The following ZNF638 variants were observed in gnomAD, a reference collection of about 807,000 sequenced individuals.
ZNF638 encodes the protein CTCL tumor antigen se33-1.
ZNF638 carries 46 observed loss-of-function variants against 195.6 expected under a neutral mutation model. The observed-to-expected ratio is 0.24, with a 90% CI of 0.19 to 0.30. ZNF638 has a LOEUF of 0.30. ZNF638 is among the 10% of genes least tolerant of loss of function. ZNF638 has a pLI of 1.00. For missense variants in ZNF638, 2,440 were observed against 2,325.3 expected, an observed-to-expected ratio of 1.05 and a Z score of -1.01; for synonymous variants, 845 against 772.0, an observed-to-expected ratio of 1.09 and a Z score of -1.57.
chr2:71,400,564 T>C, intron 15 of ZNF638, 46 bp downstream of exon 15: 1 of 1,492,602 alleles, frequency 6.7e-7, no homozygotes, highest in Non-Finnish European at 9.0e-7. Flanking sequence ...CAAGACATTT[T>C]AACAAAAGAT....
intron 8 of ZNF638, among the ~76,000 whole-genome samples, 192 bp downstream of exon 8, chr2:71,370,197 TAAC>T (rs759630140): frequency 3.3e-5 from 5 of 152,196 alleles, no homozygotes; most frequent in South Asian, 2.1e-4. Flanking sequence ...CAGTATTAAA[TAAC>T]GACGACTAGG....
intron 21 of ZNF638, 90 bp downstream of exon 21, chr2:71,418,729 TG>T: frequency 4.4e-6 from 4 of 903,062 alleles, no homozygotes; most frequent in Non-Finnish European, 4.8e-6. Context: ...TCACATGTAG[TG>T]AAAAGTTCTT....
intron 1 of ZNF638, among the ~76,000 whole-genome samples, chr2:71,333,911 T>A (rs992102096): frequency 1.3e-5 from 2 of 152,234 alleles, no homozygotes; most frequent in African/African-American, 4.8e-5. Flanking sequence ...ATTGAAGTGC[T>A]TAGGCAGCAT....
chr2:71,398,087 TC>T (rs1475992933), intron 11 of ZNF638, among the ~76,000 whole-genome samples: 3 of 152,220 alleles, frequency 2.0e-5, no homozygotes, highest in Non-Finnish European at 4.4e-5. Context: ...TTCTAGTTGA[TC>T]CACACATTCA....
chr2:71,402,232 C>A, intron 16 of ZNF638, 145 bp downstream of exon 16: 1 of 794,218 alleles, frequency 1.3e-6, no homozygotes, highest in South Asian at 2.6e-5. Context: ...ATATAAAACA[C>A]AGATATCCTG....
At position 71,396,286 on chromosome 2, in the gene ZNF638, TAGTC is replaced by T. The variant is rs528042606; in HGVS notation, c.2428+96_2428+99del. ...TAGTAGTCTTGGATTTCACATGACA[TAGTC>T]TGTATTGAATGCATGCTAATCTTTG... On this transcript the variant is annotated intron_variant, in intron 11 of 27. Coordinates refer to ENST00000264447, the MANE Select transcript of ZNF638 (RefSeq NM_014497.5). 270 of 975,406 alleles carry T rather than the reference TAGTC, an allele frequency of 2.8e-4. 1 individual carries two copies. The African/African-American group carries it at 3.9e-3, about 14-fold the overall frequency. The allele number at this position is 975,406 out of a possible 1,614,324, so 60.4% of individuals were successfully genotyped here.
intron 20 of ZNF638, among the ~76,000 whole-genome samples, chr2:71,410,339 C>T (rs2080186886): frequency 6.6e-6 from 1 of 151,826 alleles, no homozygotes; most frequent in African/African-American, 2.4e-5. Context: ...TGCCACCATG[C>T]CCGGCTAACT....
chr2:71,385,966 G>A (rs1333762084), intron 10 of ZNF638, among the ~76,000 whole-genome samples: 1 of 152,026 alleles, frequency 6.6e-6, no homozygotes, highest in African/African-American at 2.4e-5. Context: ...GGTCGTATTG[G>A]AAGTATAAAG....
intron 16 of ZNF638, among the ~76,000 whole-genome samples, chr2:71,402,840 TAG>T (rs1216626471): frequency 7.2e-5 from 11 of 152,264 alleles, no homozygotes; most frequent in Non-Finnish European, 1.3e-4. Context: ...GAGGAGTTGG[TAG>T]TCACTAGAGA....
At chr2:71,398,637 G>A (rs13424541) in intron 11 of ZNF638, 64 bp from the exon 12 acceptor site, 121,694 of 1,247,328 alleles carry the variant, frequency 0.098, 6,795 homozygotes, top group African/African-American at 0.19. Flanking sequence ...TCTCTGTGAG[G>A]TTCTTTGGAG....
chr2:71,374,484 C>A (rs1192437404), intron 8 of ZNF638, among the ~76,000 whole-genome samples: 1 of 151,994 alleles, frequency 6.6e-6, no homozygotes, highest in Admixed American at 6.5e-5. Context: ...TATTTAAATT[C>A]ATTTTGTTTA....
chr2:71,419,974 C>CCCCCCCCTTTTTTTTTTTT (rs1189202093), intron 21 of ZNF638, among the ~76,000 whole-genome samples: 1 of 27,022 alleles, frequency 3.7e-5, no homozygotes, highest in African/African-American at 1.6e-4. Flanking sequence ...CCCCCCCCGC[C>CCCCCCCCTTTTTTTTTTTT]TTTTTTTTTT....
rs1230447453 is a variant in ZNF638 at position 71,368,386 on chromosome 2, G to A, written c.2000G>A (p.Arg667Gln). 11 of 1,606,606 alleles carry A rather than the reference G, an allele frequency of 6.8e-6. No homozygotes were observed. Among genetic ancestry groups the A allele is most frequent in the South Asian group, 2.2e-5 (2 of 89,800 alleles). ...TTTCTTTCACTCCAAAAATAGCTTC[G>A]GAAAGAACAGTCATTGCATTATGGT... ...DKAVSLQRKLRKEQSLHYGSV... is the reference protein window; with the variant it reads ...DKAVSLQRKLQKEQSLHYGSV... The change falls in exon 7 of 28, where the codon CGG (arginine) becomes CAG (glutamine). Residue 667 changes from arginine (R) to glutamine (Q), a missense_variant. Coordinates refer to ENST00000264447, the MANE Select transcript of ZNF638 (RefSeq NM_014497.5).
chr2:71,340,192 G>A (rs1042654479), intron 1 of ZNF638, among the ~76,000 whole-genome samples: 1 of 151,884 alleles, frequency 6.6e-6, no homozygotes, highest in Non-Finnish European at 1.5e-5. Flanking sequence ...GCCAAATAAC[G>A]TTTCTAATTT....
At chr2:71,431,047 A>G (rs764447757) in intron 25 of ZNF638, 46 of 256,536 alleles carry the variant, frequency 1.8e-4, no homozygotes, top group Non-Finnish European at 2.3e-4. Context: ...TCTTGCCAGT[A>G]ATGATAGGAC....
chr2:71,384,493 T>G (rs1419748833), intron 10 of ZNF638, among the ~76,000 whole-genome samples: 1 of 152,252 alleles, frequency 6.6e-6, no homozygotes. Context: ...ACTTCATTCC[T>G]TGGTTCTTTA....
chr2:71,342,679 C>T (rs1558828542), intron 1 of ZNF638, among the ~76,000 whole-genome samples: 2 of 113,642 alleles, frequency 1.8e-5, no homozygotes, highest in South Asian at 3.1e-4. Context: ...GATTTTTGTG[C>T]GTGCGTGTGT....
chr2:71,408,675 C>A, intron 20 of ZNF638: 1 of 399,346 alleles, frequency 2.5e-6, no homozygotes, highest in Non-Finnish European at 4.9e-6. Flanking sequence ...TCTTGGCCTA[C>A]ACAGTAGTAC....
chr2:71,393,978 C>A (rs143713970), intron 10 of ZNF638, among the ~76,000 whole-genome samples: 2 of 152,348 alleles, frequency 1.3e-5, no homozygotes, highest in East Asian at 3.9e-4. Context: ...CCTTAACATT[C>A]TTGTGCCAGT....
Sources: allele counts gnomAD v4.1 joint callset (sites outside exome capture counted in the v4.1 genomes callset), GRCh38; gene constraint gnomAD v4.1.1; transcripts MANE v1.5; gene names NCBI Gene and HGNC (gene_info 2026-07-23, HGNC 2026-07-21).